KNDC1: variants seen among roughly 807,000 people sequenced by gnomAD.
KNDC1 encodes the protein kinase non-catalytic C-lobe domain-containing protein 1.
Under a neutral mutation model 172.8 loss-of-function variants are expected in KNDC1, and 106 were observed. That is an observed-to-expected ratio of 0.61 (90% CI 0.52 to 0.72). KNDC1 has a LOEUF of 0.72. Among genes scored for constraint, KNDC1 ranks in the 30% least tolerant of loss-of-function variants. The pLI is 0.00. For synonymous variants in KNDC1, 1,083 were observed against 1,062.2 expected, an observed-to-expected ratio of 1.02 and a Z score of -0.38; for missense variants, 2,325 against 2,394.5, an observed-to-expected ratio of 0.97 and a Z score of 0.61.
chr10:133,211,436 C>T lies in KNDC1; in HGVS notation c.3923C>T (p.Pro1308Leu), dbSNP rs1564898090. ...NSTLTRAHQD[P>L]TSTFTKIYRR... Reference sequence around the variant, plus strand: ...TGCGTCTCCAGGGCCCACCAGGACCCCACCTCGACCTTCACCAAGATCTAC... The same window carrying T: ...TGCGTCTCCAGGGCCCACCAGGACCTCACCTCGACCTTCACCAAGATCTAC... The change falls in exon 22 of 30, where the codon CCC (proline) becomes CTC (leucine). Residue 1308 changes from proline to leucine, a missense_variant. Pro to Leu is a moderately conservative substitution (Grantham distance 98). Transcript: ENST00000304613. 6.2e-7 allele frequency: 1 copy of T among 1,613,200 alleles called. No individual in the cohort carries two copies. The highest frequency in any genetic ancestry group is 8.5e-7 in the Non-Finnish European group (1 of 1,179,736).
chr10:133,223,320 C>CGT (rs752226804), intron 29 of KNDC1, among the ~76,000 whole-genome samples: 1 of 40,670 alleles, frequency 2.5e-5, no homozygotes, highest in Non-Finnish European at 5.4e-5. Flanking sequence ...CTGTTCCCGG[C>CGT]GTGTGTGTGT....
intron 1 of KNDC1, among the ~76,000 whole-genome samples, chr10:133,162,414 C>T (rs568688615): frequency 3.2e-4 from 49 of 152,208 alleles, no homozygotes; most frequent in Admixed American, 9.2e-4. Flanking sequence ...CGGGAAAGCA[C>T]GGTGGCGCCA....
In KNDC1 at chr10:133,177,956, GATGT is replaced by G. The variant is rs199634517; in HGVS notation, c.361-5383_361-5380del. Among the ~76,000 whole-genome samples the G allele has an allele frequency of 5.4e-4, 80 of 148,930 alleles. 2 individuals carry two copies. The highest frequency in any genetic ancestry group is 1.9e-3 in the African/African-American group (78 of 40,312). On this transcript the variant is annotated intron_variant, in intron 3 of 29. Transcript: ENST00000304613. The stretch of plus-strand genomic sequence containing the variant: ...GTTATGTCACGGACACGTGTAGCAT[GATGT>G]ATGTGTGTAGCGTGCATGTGTGTGC...
Position 133,201,402 on chromosome 10 carries a change from C to T in KNDC1, c.2990-99C>T, listed in dbSNP as rs570085379. 1.6e-4 allele frequency: 203 copies of T among 1,299,498 alleles called. No individual in the cohort carries two copies. The African/African-American group carries it at 2.6e-3, about 16-fold the overall frequency. The allele number at this position is 1,299,498 out of a possible 1,614,324, so 80.5% of individuals were successfully genotyped here. ...GGTGGGCGGGTGCAAGAGAGAAGGG[C>T]GTCGGGTGTGCAAGCACCACCGGCC... is the stretch of plus-strand genomic sequence containing the variant. On this transcript the variant is annotated intron_variant, in intron 16 of 29. Transcript: ENST00000304613.
At position 133,197,681 on chromosome 10, in the gene KNDC1, C is replaced by T; in HGVS notation, c.1819C>T (p.Gln607Ter). The T allele has an allele frequency of 6.2e-7, 1 of 1,611,952 alleles. No homozygotes were observed. Among genetic ancestry groups the T allele is most frequent in the Non-Finnish European group, 8.5e-7 (1 of 1,178,826 alleles). The change falls in exon 12 of 30, where the codon CAG (glutamine) becomes TAG (stop). Residue 607 changes from glutamine to a stop codon, truncating the protein, a stop_gained. Transcript: ENST00000304613. LOFTEE classifies it high-confidence loss of function. The part of the protein sequence containing the change: ...HLRASICQVY[Q>*]EEETISLQNA... The stretch of plus-strand genomic sequence containing the variant: ...GCTGTCACCTCCTCCCCAGGTGTAC[C>T]AGGAGGAAGAGACCATCAGCCTCCA...
rs973230195 is a variant in KNDC1, at chr10:133,195,525, C to T, written c.1576-138C>T. 3 of 758,970 alleles carry T rather than the reference C, an allele frequency of 4.0e-6. No individual in the cohort carries two copies. In the African/African-American group the frequency reaches 5.6e-5, roughly 14 times the overall value. 47.0% of individuals were successfully genotyped at this position (758,970 alleles called of 1,614,324 possible). A position where few individuals can be genotyped will look rare whatever the true frequency, so the allele number is the denominator to read the frequency against. Reference sequence around the variant, plus strand: ...GGTCCAGGGTGGGGCCTGATAGATGCTGAGGAGGGGTCTTGAGGAGAGCCC... The same window carrying T: ...GGTCCAGGGTGGGGCCTGATAGATGTTGAGGAGGGGTCTTGAGGAGAGCCC... On this transcript the variant is annotated intron_variant, in intron 9 of 29. Coordinates refer to ENST00000304613, the MANE Select transcript of KNDC1 (RefSeq NM_152643.8).
rs1285035631 is a variant in KNDC1, at chr10:133,160,236, C to A, written c.-232C>A. Among the ~76,000 whole-genome samples, 33 of 149,688 alleles carry A rather than the reference C, an allele frequency of 2.2e-4. No homozygotes were observed. Among genetic ancestry groups the A allele is most frequent in the Admixed American group, 2.1e-3 (32 of 15,088 alleles). ...CCTCCCCCAGGAAGGAGCGACGTTCCCTAGGCGCCGGGTCCGGACAGCGCC... is the reference window on the plus strand; with the variant it reads ...CCTCCCCCAGGAAGGAGCGACGTTCACTAGGCGCCGGGTCCGGACAGCGCC... On this transcript the variant is annotated 5_prime_UTR_variant, in exon 1 of 30. Transcript: ENST00000304613.
At chr10:133,162,640 A>G (rs1853013891) in intron 1 of KNDC1, among the ~76,000 whole-genome samples, 2 of 152,254 alleles carry the variant, frequency 1.3e-5, no homozygotes, top group African/African-American at 4.8e-5. Flanking sequence ...GGAAAATGCA[A>G]AATACACCCC....
chr10:133,206,639 G>T (rs368736374), intron 17 of KNDC1, 46 bp from the exon 18 acceptor site: 30 of 1,525,288 alleles, frequency 2.0e-5, no homozygotes, highest in Non-Finnish European at 2.5e-5. Context: ...TGTGGCTGAC[G>T]TGTGTTGGGG....
chr10:133,184,361 A>G, intron 5 of KNDC1, among the ~76,000 whole-genome samples: 1 of 151,842 alleles, frequency 6.6e-6, no homozygotes, highest in East Asian at 1.9e-4. Flanking sequence ...ACGCTGCAAC[A>G]CACCCATGCA....
chr10:133,211,627 G>GC (rs1554920210), intron 22 of KNDC1, 52 bp from the exon 23 acceptor site: 1 of 1,595,562 alleles, frequency 6.3e-7, no homozygotes, highest in African/African-American at 1.3e-5. Flanking sequence ...GGGAGGTGCC[G>GC]CCCTCCTCCA....
intron 29 of KNDC1, among the ~76,000 whole-genome samples, chr10:133,222,576 A>G (rs543256638): frequency 1.4e-4 from 1 of 7,346 alleles, no homozygotes; most frequent in Non-Finnish European, 5.0e-4. Flanking sequence ...TGCTCTTCCC[A>G]GTGTGTGTGT....
chr10:133,207,450 G>T, intron 20 of KNDC1, 99 bp downstream of exon 20: 1 of 1,109,126 alleles, frequency 9.0e-7, no homozygotes. Context: ...GGCTGGGTTT[G>T]CACTTTTTAG....
intron 20 of KNDC1, among the ~76,000 whole-genome samples, chr10:133,210,195 G>A (rs934767607): frequency 6.6e-6 from 1 of 151,956 alleles, no homozygotes; most frequent in Non-Finnish European, 1.5e-5. Flanking sequence ...AGACCAGCCT[G>A]GGAAACATGG....
chr10:133,167,175 C>G (rs1227419394), intron 1 of KNDC1: 5 of 599,596 alleles, frequency 8.3e-6, no homozygotes, highest in Non-Finnish European at 1.5e-5. Context: ...GCCGACGGTG[C>G]CACCAAATGT....
At chr10:133,165,183 T>A (rs1315393292) in intron 1 of KNDC1, among the ~76,000 whole-genome samples, 3 of 152,110 alleles carry the variant, frequency 2.0e-5, no homozygotes, top group Non-Finnish European at 2.9e-5. Flanking sequence ...ACAGACCCCA[T>A]GGAATTCACC....
Position 133,172,251 on chromosome 10 carries a change from G to A in KNDC1, c.360+3939G>A, listed in dbSNP as rs59861106. The stretch of plus-strand genomic sequence containing the variant: ...ATCCAGAATGGCGCCCGCCTCCACC[G>A]CGAGTCCCCCTTGATGCAGAGTTTG... On this transcript the variant is annotated intron_variant, in intron 3 of 29. Coordinates refer to ENST00000304613, the MANE Select transcript of KNDC1 (RefSeq NM_152643.8). Among the ~76,000 whole-genome samples the A allele has an allele frequency of 5.4e-4, 82 of 152,286 alleles. 1 individual carries two copies. The highest frequency in any genetic ancestry group is 1.9e-3 in the African/African-American group (79 of 41,558).
At chr10:133,190,607 C>T (rs906881255) in intron 9 of KNDC1, among the ~76,000 whole-genome samples, 2 of 152,354 alleles carry the variant, frequency 1.3e-5, no homozygotes, top group South Asian at 2.1e-4. Flanking sequence ...GCAATGGGCG[C>T]ACACTAAAAG....
intron 1 of KNDC1, among the ~76,000 whole-genome samples, chr10:133,162,647 C>A (rs1853014217): frequency 6.6e-6 from 1 of 152,250 alleles, no homozygotes; most frequent in Admixed American, 6.5e-5. Context: ...GCAAAATACA[C>A]CCCCACGAAT....
Sources: allele counts gnomAD v4.1 joint callset (sites outside exome capture counted in the v4.1 genomes callset), GRCh38; gene constraint gnomAD v4.1.1; transcripts MANE v1.5; gene names NCBI Gene and HGNC (gene_info 2026-07-23, HGNC 2026-07-21).